ABRA: variants seen among roughly 807,000 people sequenced by gnomAD.
ABRA encodes the protein actin-binding Rho-activating protein.
Under a neutral mutation model 33.4 loss-of-function variants are expected in ABRA, and 25 were observed. The observed-to-expected ratio is 0.75, with a 90% confidence interval of 0.55 to 1.04. The LOEUF is 1.04. Among genes scored for constraint, ABRA ranks in the 50% least tolerant of loss-of-function variants. ABRA has a pLI of 0.00. For synonymous variants in ABRA, 193 were observed against 176.8 expected (o/e 1.09, Z -0.73); for missense variants, 501 against 491.7 (o/e 1.02, Z -0.18).
intron 1 of ABRA, among the ~76,000 whole-genome samples, chr8:106,768,606 C>T (rs966787716): frequency 4.6e-5 from 7 of 152,128 alleles, no homozygotes; most frequent in African/African-American, 1.7e-4. Context: ...CTTACTGTTG[C>T]TGTCATTTTA....
At chr8:106,767,670 C>A (rs1487354687) in intron 1 of ABRA, among the ~76,000 whole-genome samples, 2 of 152,210 alleles carry the variant, frequency 1.3e-5, no homozygotes, top group Non-Finnish European at 2.9e-5. Context: ...AGCGACAAAG[C>A]ATTTAAACAC....
At chr8:106,765,108 A>C (rs998056025) in intron 1 of ABRA, among the ~76,000 whole-genome samples, 1 of 152,236 alleles carries the variant, frequency 6.6e-6, no homozygotes, top group African/African-American at 2.4e-5. Flanking sequence ...AAGCAAAGCG[A>C]TATTTAAAGG....
intron 1 of ABRA, 86 bp from the exon 2 acceptor site, chr8:106,761,600 A>T: frequency 9.5e-7 from 1 of 1,048,994 alleles, no homozygotes; most frequent in Non-Finnish European, 1.4e-6. Flanking sequence ...ACACATATGC[A>T]TCTTTAATGT....
At position 106,761,504 on chromosome 8, in the gene ABRA, A is replaced by T. The variant is rs779535287; in HGVS notation, c.679T>A (p.Phe227Ile). 1 of 1,613,044 alleles carries T rather than the reference A, an allele frequency of 6.2e-7. No individual in the cohort carries two copies. The highest frequency in any genetic ancestry group is 8.5e-7 in the Non-Finnish European group (1 of 1,179,454). ...GCTTTGCAGTTGAGTTTCTCTGTAA[A>T]TCTGTTTACCCTAAAGTAGAGAGAG... ...KRPLPSQVNR[F>I]TEKLNCKAQQ... is the part of the protein sequence containing the mutation. The change falls in exon 2 of 2, where the codon TTT becomes ATT. Residue 227 changes from phenylalanine to isoleucine, a missense_variant. By Grantham distance (21) the Phe-to-Ile change is conservative (BLOSUM62 0). Coordinates refer to ENST00000311955, the MANE Select transcript of ABRA (RefSeq NM_139166.5).
Position 106,769,868 on chromosome 8 carries a change from T to A in ABRA, c.323A>T (p.Glu108Val), listed in dbSNP as rs140878408. Residue 108 changes from glutamate to valine, a missense_variant, in exon 1 of 2, where the codon GAG becomes GTG. Coordinates refer to ENST00000311955, the MANE Select transcript of ABRA (RefSeq NM_139166.5). ...APEVSHIKKK[E>V]VSKTVVSKTY... ...CTTGCTGACCACCGTTTTGGACACC[T>A]CTTTCTTTTTGATGTGAGAAACCTC... The A allele has an allele frequency of 6.2e-7, 1 of 1,614,116 alleles. No homozygotes were observed. The highest frequency in any genetic ancestry group is 8.5e-7 in the Non-Finnish European group (1 of 1,180,020).
At chr8:106,768,852 G>A (rs1392538209) in intron 1 of ABRA, among the ~76,000 whole-genome samples, 1 of 152,106 alleles carries the variant, frequency 6.6e-6, no homozygotes, top group Non-Finnish European at 1.5e-5. Context: ...GGTCAGGCTG[G>A]TCTCAAACTC....
chr8:106,768,945 A>T (rs1486355936), intron 1 of ABRA, among the ~76,000 whole-genome samples: 1 of 152,086 alleles, frequency 6.6e-6, no homozygotes, highest in Non-Finnish European at 1.5e-5. Context: ...TGATGAAATC[A>T]CCTTTAAAAA....
intron 1 of ABRA, among the ~76,000 whole-genome samples, chr8:106,764,169 C>CA (rs1408332468): frequency 1.1e-4 from 16 of 152,048 alleles, no homozygotes; most frequent in Non-Finnish European, 1.3e-4. Context: ...ACAAAGAAAG[C>CA]AAAAAATAGG....
At position 106,759,654 on chromosome 8, in the gene ABRA, CCA is replaced by C. The variant is rs1484937904; in HGVS notation, c.*1381_*1382del. Reference sequence around the variant, plus strand: ...AAAATACGCATACTTTCTTAAGATACCAGAACCTTCAGTTTGAAAGAGACTCA... The same window carrying C: ...AAAATACGCATACTTTCTTAAGATACGAACCTTCAGTTTGAAAGAGACTCA... On this transcript the variant is annotated 3_prime_UTR_variant, in exon 2 of 2. Transcript: ENST00000311955. 1 of 152,090 alleles carries C rather than the reference CCA, an allele frequency of 6.6e-6. No homozygotes were observed. The highest frequency in any genetic ancestry group is 6.5e-5 in the Admixed American group (1 of 15,278). 9.4% of individuals were successfully genotyped at this position (152,090 alleles called of 1,614,324 possible).
rs1230216115 is a variant in ABRA at position 106,761,148 on chromosome 8, A to T, written c.1035T>A (p.Asp345Glu). The T allele has an allele frequency of 3.7e-6, 6 of 1,614,240 alleles. No individual in the cohort carries two copies. In the South Asian group the frequency reaches 5.5e-5, roughly 15 times the overall value. Residue 345 changes from aspartate (D) to glutamate (E), a missense_variant, in exon 2 of 2, where the codon GAT (aspartate) becomes GAA (glutamate). By Grantham distance (45) the Asp-to-Glu change is conservative. Transcript: ENST00000311955. ...CACGCATGAGAATGCCCACTACTTT[A>T]TCTGAAATACGAACGTATCTGTCAA... ...DLFDRYVRIS[D>E]KVVGILMRAR...
At position 106,770,100 on chromosome 8, in the gene ABRA, G is replaced by T. The variant is rs200867691; in HGVS notation, c.91C>A (p.Arg31=). The change falls in exon 1 of 2, where the codon CGA becomes AGA. Residue 31 remains arginine, a synonymous_variant. Transcript: ENST00000311955. ...TCATTCGCCCACTGCTGCCAACCTC[G>T]GGCCAAGCTGATGACCAGGGTGGCT... is the stretch of plus-strand genomic sequence containing the variant. ...RTATLVISLA[R]GWQQWANENS... is the part of the protein sequence containing the mutation. The T allele has an allele frequency of 3.7e-6, 6 of 1,613,652 alleles. No individual in the cohort carries two copies. The highest frequency in any genetic ancestry group is 5.1e-6 in the Non-Finnish European group (6 of 1,179,830).
At position 106,762,076 on chromosome 8, in the gene ABRA, A is replaced by G. The variant is rs559566212; in HGVS notation, c.669-562T>C. Among the ~76,000 whole-genome samples, 6 of 152,344 alleles carry G rather than the reference A, an allele frequency of 3.9e-5. No homozygotes were observed. The East Asian group carries it at 9.6e-4, about 24-fold the overall frequency. On this transcript the variant is annotated intron_variant, in intron 1 of 1. Transcript: ENST00000311955. ...GTACAGATAGAAAACACTAGCTAGCAATAGTAACATTTACTGAACACTATG... is the reference window on the plus strand; with the variant it reads ...GTACAGATAGAAAACACTAGCTAGCGATAGTAACATTTACTGAACACTATG...
At chr8:106,764,660 C>A (rs1587349790) in intron 1 of ABRA, among the ~76,000 whole-genome samples, 1 of 144,388 alleles carries the variant, frequency 6.9e-6, no homozygotes, top group African/African-American at 2.6e-5. Context: ...TAAAAACAAA[C>A]AAACAAACAA....
At chr8:106,769,467 T>G in intron 1 of ABRA, 56 bp downstream of exon 1, 1 of 1,555,942 alleles carries the variant, frequency 6.4e-7, no homozygotes, top group Non-Finnish European at 8.7e-7. Context: ...TTCCCAGACT[T>G]GGTTGGGGCT....
chr8:106,764,652 AAAACAAAC>A (rs199734307), intron 1 of ABRA, among the ~76,000 whole-genome samples: 3,821 of 152,226 alleles, frequency 0.025, 51 homozygotes, highest in East Asian at 0.038. Context: ...GACTCTATTA[AAAACAAAC>A]AAACAAACAA....
At chr8:106,762,901 C>G (rs1322712880) in intron 1 of ABRA, among the ~76,000 whole-genome samples, 1 of 152,200 alleles carries the variant, frequency 6.6e-6, no homozygotes, top group Admixed American at 6.5e-5. Flanking sequence ...AAAACACGAA[C>G]TCTTGAACTA....
In ABRA at chr8:106,768,474, A is replaced by T. The variant is rs80325613; in HGVS notation, c.668+1049T>A. On this transcript the variant is annotated intron_variant, in intron 1 of 1. Transcript: ENST00000311955. Reference sequence around the variant, plus strand: ...TGTTTTTGAAAATTTGAAAAGTTGCAAAGTAACCAAATCTATGTGAATAAT... The same window carrying T: ...TGTTTTTGAAAATTTGAAAAGTTGCTAAGTAACCAAATCTATGTGAATAAT... 2.0e-3 allele frequency among the ~76,000 whole-genome samples: 306 copies of T among 152,332 alleles called. 5 individuals are homozygous for T. In the East Asian group the frequency reaches 0.046, roughly 23 times the overall value.
intron 1 of ABRA, among the ~76,000 whole-genome samples, chr8:106,764,225 G>T (rs879786248): frequency 6.6e-6 from 1 of 152,132 alleles, no homozygotes; most frequent in Non-Finnish European, 1.5e-5. Context: ...TAAACTGCAC[G>T]TTATATGGGT....
chr8:106,761,060 C>T lies in ABRA; in HGVS notation c.1123G>A (p.Val375Ile). The T allele has an allele frequency of 6.2e-7, 1 of 1,614,018 alleles. No homozygotes were observed. The change falls in exon 2 of 2, where the codon GTT (valine) becomes ATT (isoleucine). Residue 375 changes from valine to isoleucine, a missense_variant. By Grantham distance (29) the Val-to-Ile change is conservative. Coordinates refer to ENST00000311955, the MANE Select transcript of ABRA (RefSeq NM_139166.5). Reference sequence around the variant, plus strand: ...GTTCACTTGAGTAGCGTAATCACAACATGGTCATCTCGGCCTTGCCATAGC... The same window carrying T: ...GTTCACTTGAGTAGCGTAATCACAATATGGTCATCTCGGCCTTGCCATAGC... ...EMLWQGRDDH[V>I]VITLLK
Sources: gnomAD v4.1 joint callset for allele counts (sites outside exome capture counted in the v4.1 genomes callset) on GRCh38, gnomAD v4.1.1 for gene constraint, MANE v1.5 for transcripts, NCBI Gene and HGNC (gene_info 2026-07-23, HGNC 2026-07-21) for gene names.